Variants in RSPH14 observed in about 807,000 individuals in gnomAD.
RSPH14 encodes rhabdoid tumor deletion region gene 1.
In RSPH14, 20 loss-of-function variants were observed where a neutral mutation model predicts 26.7. The observed-to-expected ratio is 0.75, with a 90% CI of 0.53 to 1.09. The LOEUF (loss-of-function observed/expected upper bound fraction) is 1.09, where lower values mean the gene tolerates loss of function less well. Ranked by LOEUF, RSPH14 falls within the 50% of genes least tolerant of loss-of-function variation. The probability of loss-of-function intolerance (pLI) is 0.00; values close to 1 mark genes in which losing one functional copy is unlikely to be tolerated. For synonymous variants in RSPH14, 177 were observed against 189.3 expected, an observed-to-expected ratio of 0.93 and a Z score of 0.53; for missense variants, 449 against 457.2, an observed-to-expected ratio of 0.98 and a Z score of 0.16.
At chr22:23,131,519 G>T in intron 4 of RSPH14, 1 of 852,100 alleles carries the variant, frequency 1.2e-6, no homozygotes, top group Non-Finnish European at 1.6e-6. Flanking sequence ...TGGCAAAGCT[G>T]GCTGGTGGTA....
At chr22:23,083,797 G>A (rs2068739732) in intron 4 of RSPH14, among the ~76,000 whole-genome samples, 1 of 152,232 alleles carries the variant, frequency 6.6e-6, no homozygotes, top group Non-Finnish European at 1.5e-5. Flanking sequence ...TGCCGAACCA[G>A]CGGCACACCA....
At chr22:23,091,278 ACT>A (rs1174861350) in intron 4 of RSPH14, among the ~76,000 whole-genome samples, 2 of 152,180 alleles carry the variant, frequency 1.3e-5, no homozygotes, top group Non-Finnish European at 2.9e-5. Context: ...ATGCACCTGC[ACT>A]CTCACAGACA....
At chr22:23,163,430 G>A in the RSPH14 span, 70,355 of 151,502 alleles carry the variant, frequency 0.46, 16,664 homozygotes, top group East Asian at 0.64. Flanking sequence ...AGGTTTCACC[G>A]TGTTAGCCAG....
intron 4 of RSPH14, among the ~76,000 whole-genome samples, chr22:23,067,934 A>G (rs906477148): frequency 2.0e-5 from 3 of 152,178 alleles, no homozygotes; most frequent in African/African-American, 7.2e-5. Context: ...TTGTTATTTT[A>G]TTATGTCCAG....
At chr22:23,121,020 T>C (rs2070010242) in intron 4 of RSPH14, among the ~76,000 whole-genome samples, 1 of 152,216 alleles carries the variant, frequency 6.6e-6, no homozygotes, top group South Asian at 2.1e-4. Context: ...AGGAATCCAT[T>C]AGAGCTAATT....
At chr22:23,149,939 T>C (rs1335381144), upstream of RSPH14, 9 of 752,896 alleles carry the variant, frequency 1.2e-5, no homozygotes, top group Admixed American at 1.8e-4. Flanking sequence ...GGAAAGCTAA[T>C]GAGGCTGCCA....
upstream of RSPH14, among the ~76,000 whole-genome samples, chr22:23,143,292 A>AAAATAAATAAAT (rs57037255): frequency 1.1e-3 from 156 of 141,922 alleles, 1 homozygote; most frequent in Admixed American, 2.2e-3. Flanking sequence ...CCTCAACTCT[A>AAAATAAATAAAT]AAATAAATAA....
intron 3 of RSPH14, among the ~76,000 whole-genome samples, chr22:23,136,777 C>T (rs2070492379): frequency 7.2e-6 from 1 of 139,114 alleles, no homozygotes; most frequent in Non-Finnish European, 1.6e-5. Flanking sequence ...TACCTAATGT[C>T]CACATCAGGT....
chr22:23,085,665 C>A (rs1429650924), intron 4 of RSPH14, among the ~76,000 whole-genome samples: 1 of 152,198 alleles, frequency 6.6e-6, no homozygotes, highest in Non-Finnish European at 1.5e-5. Flanking sequence ...ATCCCTTCAA[C>A]ACCAGTACCA....
the RSPH14 span, chr22:23,153,173 C>T: frequency 2.7e-6 from 4 of 1,460,438 alleles, no homozygotes; most frequent in Admixed American, 1.7e-5. Context: ...GGGCAGCTTC[C>T]TACAGGCACC....
rs1296119122 is a variant in RSPH14 at position 23,063,967 on chromosome 22, C to T, written c.588G>A (p.Lys196=). Residue 196 remains lysine, a synonymous_variant, in exon 5 of 7, where the codon AAG becomes AAA. Coordinates refer to ENST00000216036, the MANE Select transcript of RSPH14 (RefSeq NM_014433.3). ...ALGSNVVLVL[K]QKLLSANQNI... The stretch of plus-strand genomic sequence containing the variant: ...TCTGGTTGGCGCTGAGGAGCTTCTG[C>T]TTCAGGACAAGCACCACATTGCTGC... 1.2e-6 allele frequency: 2 copies of T among 1,614,094 alleles called. No homozygotes were observed. Among genetic ancestry groups the T allele is most frequent in the Non-Finnish European group, 1.7e-6 (2 of 1,180,034 alleles).
At chr22:23,085,514 G>A (rs2068792963) in intron 4 of RSPH14, among the ~76,000 whole-genome samples, 1 of 152,350 alleles carries the variant, frequency 6.6e-6, no homozygotes, top group South Asian at 2.1e-4. Flanking sequence ...AGGAGCAACG[G>A]GAGAAGCAGT....
rs200852509 is a variant in RSPH14 at position 23,100,097 on chromosome 22, C to CCTG, written c.421+33926_421+33928dup. The stretch of plus-strand genomic sequence containing the variant: ...AGCCCTGTGGCGGGTCTGTTTTGCA[C>CCTG]CTGTGATGGACCTGCTGTGCAGGCT... On this transcript the variant is annotated intron_variant, in intron 4 of 6. Transcript: ENST00000216036. 6.4e-3 allele frequency among the ~76,000 whole-genome samples: 976 copies of CCTG among 152,336 alleles called. 7 individuals carry two copies. The highest frequency in any genetic ancestry group is 0.022 in the African/African-American group (895 of 41,570).
At chr22:23,089,696 G>A (rs1569168598) in intron 4 of RSPH14, among the ~76,000 whole-genome samples, 1 of 152,206 alleles carries the variant, frequency 6.6e-6, no homozygotes, top group East Asian at 1.9e-4. Context: ...TGAGAAGGGA[G>A]GGTCTTGAGG....
chr22:23,080,363 CTCATCTCCCCGG>C (rs1435473911), intron 4 of RSPH14, among the ~76,000 whole-genome samples: 1 of 151,882 alleles, frequency 6.6e-6, no homozygotes, highest in Non-Finnish European at 1.5e-5. Context: ...CCCTGTTCAT[CTCATCTCCCCGG>C]TCATCTCATC....
At chr22:23,120,081 C>A (rs567862115) in intron 4 of RSPH14, among the ~76,000 whole-genome samples, 21 of 152,292 alleles carry the variant, frequency 1.4e-4, no homozygotes, top group African/African-American at 5.1e-4. Context: ...GTGGCGGAAT[C>A]CTGATAAGAG....
At chr22:23,110,891 C>A (rs1050813851) in intron 4 of RSPH14, among the ~76,000 whole-genome samples, 2 of 152,190 alleles carry the variant, frequency 1.3e-5, no homozygotes, top group African/African-American at 4.8e-5. Flanking sequence ...CAACTCAGGC[C>A]TCCCTGCCCA....
rs1292954187 is a variant in RSPH14, at chr22:23,061,937, C to G, written c.662G>C (p.Arg221Pro). ...ATGACACACCTGTTTCTTGCCCTCT[C>G]GAGATATGCTGGGGCAGAGAGGGAA... ...ARALLNVSIS[R>P]EGKKQVCHFD... The change falls in exon 6 of 7, where the codon CGA becomes CCA. Residue 221 changes from arginine to proline, a missense_variant. Physicochemically the swap from Arg to Pro is moderately radical, Grantham distance 103 (BLOSUM62 -2). Transcript: ENST00000216036. The G allele has an allele frequency of 1.2e-6, 2 of 1,614,004 alleles. No individual in the cohort carries two copies. Among genetic ancestry groups the G allele is most frequent in the South Asian group, 1.1e-5 (1 of 91,078 alleles).
At chr22:23,089,838 G>A (rs543246951) in intron 4 of RSPH14, among the ~76,000 whole-genome samples, 10 of 152,124 alleles carry the variant, frequency 6.6e-5, no homozygotes, top group Non-Finnish European at 1.0e-4. Context: ...GTGAGTCAAG[G>A]ACCAGGATGG....
Sources: gnomAD v4.1 joint callset for allele counts (sites outside exome capture counted in the v4.1 genomes callset) on GRCh38, gnomAD v4.1.1 for gene constraint, MANE v1.5 for transcripts, NCBI Gene and HGNC (gene_info 2026-07-23, HGNC 2026-07-21) for gene names.